Variants in KRT6A observed in about 807,000 individuals in gnomAD.
KRT6A encodes keratin, type II cytoskeletal 6A.
A neutral mutation model predicts 48.6 loss-of-function variants in KRT6A; 28 were observed. The observed-to-expected ratio is 0.58, with a 90% CI of 0.43 to 0.79. The LOEUF is 0.79. Among genes scored for constraint, KRT6A ranks in the 30% least tolerant of loss-of-function variants. The pLI, the probability that KRT6A is intolerant of heterozygous loss-of-function variation, is 0.00. For synonymous variants in KRT6A, 301 were observed against 294.2 expected (o/e 1.02, Z -0.24); for missense variants, 687 against 724.3 (o/e 0.95, Z 0.59).
rs752406296 is a variant in KRT6A at position 52,489,934 on chromosome 12, T to A, written c.1203+9A>T. On this transcript the variant is annotated intron_variant, in intron 6 of 8. Transcript: ENST00000330722. ...AAATGCTTCTCTCCTCCATTGTCCC[T>A]CACCATACCTGCTTCTTGACGTGGT... 6 of 1,614,008 alleles carry A rather than the reference T, an allele frequency of 3.7e-6. No individual in the cohort carries two copies. The highest frequency in any genetic ancestry group is 4.2e-6 in the Non-Finnish European group (5 of 1,180,022).
At chr12:52,490,360 G>T in intron 5 of KRT6A, 1 of 968,664 alleles carries the variant, frequency 1.0e-6, no homozygotes, top group Non-Finnish European at 1.6e-6. Context: ...CTATGTCCTT[G>T]TCTATGGTAG....
rs375973006 is a variant in KRT6A, at chr12:52,487,979, C to A, written c.1460-24G>T. Reference sequence around the variant, plus strand: ...AGCTGTGATGGGGAGGGGACAAGGACACAAGAAGCCATGGTGAGCTCATCC... The same window carrying A: ...AGCTGTGATGGGGAGGGGACAAGGAAACAAGAAGCCATGGTGAGCTCATCC... On this transcript the variant is annotated intron_variant, in intron 8 of 8. Coordinates refer to ENST00000330722, the MANE Select transcript of KRT6A (RefSeq NM_005554.4). 3.4e-5 allele frequency: 55 copies of A among 1,614,024 alleles called. No individual in the cohort carries two copies. The Middle Eastern group carries it at 4.9e-4, about 14-fold the overall frequency.
chr12:52,489,799 C>G, intron 6 of KRT6A, 144 bp downstream of exon 6: 1 of 1,334,910 alleles, frequency 7.5e-7, no homozygotes. Context: ...TCCTAAGCAG[C>G]AGGTACCCAC....
rs1050572140 is a variant in KRT6A at position 52,489,764 on chromosome 12, T to A, written c.1203+179A>T. 2.9e-6 allele frequency: 3 copies of A among 1,025,890 alleles called. No homozygotes were observed. The Admixed American group carries it at 6.1e-5, about 21-fold the overall frequency. 63.5% of individuals were successfully genotyped at this position (1,025,890 alleles called of 1,614,324 possible). ...TGACTGGTTCTCTCATGTGTTTGTG[T>A]CATGCCATAGGTAGGATCTATGTCT... is the stretch of plus-strand genomic sequence containing the variant. On this transcript the variant is annotated intron_variant, in intron 6 of 8. Coordinates refer to ENST00000330722, the MANE Select transcript of KRT6A (RefSeq NM_005554.4).
chr12:52,490,821 C>T, intron 4 of KRT6A, 37 bp downstream of exon 4: 1 of 1,614,064 alleles, frequency 6.2e-7, no homozygotes, highest in Admixed American at 1.7e-5. Context: ...TTTGCAGACC[C>T]CATCAGAGTA....
chr12:52,492,981 T>C lies in KRT6A; in HGVS notation c.208A>G (p.Ile70Val). Reference sequence around the variant, plus strand: ...GCACAGCTGCCCCCTCCAATGGAGATCCTCTTGGAGCCCCCCAGGCCATAC... The same window carrying C: ...GCACAGCTGCCCCCTCCAATGGAGACCCTCTTGGAGCCCCCCAGGCCATAC... ...SLYGLGGSKR[I>V]SIGGGSCAIS... The change falls in exon 1 of 9, where the codon ATC becomes GTC. Residue 70 changes from isoleucine to valine, a missense_variant. Physicochemically the swap from Ile to Val is conservative, Grantham distance 29 (BLOSUM62 3). Transcript: ENST00000330722. The C allele has an allele frequency of 1.9e-6, 3 of 1,610,430 alleles. No homozygotes were observed. The highest frequency in any genetic ancestry group is 2.2e-5 in the East Asian group (1 of 44,810).
Position 52,490,612 on chromosome 12 carries a change from G to A in KRT6A, c.1034C>T (p.Ala345Val), listed in dbSNP as rs1938242623. The A allele has an allele frequency of 3.7e-6, 6 of 1,614,200 alleles. No homozygotes were observed. The highest frequency in any genetic ancestry group is 5.1e-6 in the Non-Finnish European group (6 of 1,180,036). The change falls in exon 5 of 9, where the codon GCT becomes GTT. Residue 345 changes from alanine to valine, a missense_variant. This residue lies in a region of KRT6A where 566 missense variants were observed against 565.3 expected (regional missense o/e 1.00). Coordinates refer to ENST00000330722, the MANE Select transcript of KRT6A (RefSeq NM_005554.4). ...AEVKAQYEEIAQRSRAEAESW... is the reference protein window; with the variant it reads ...AEVKAQYEEIVQRSRAEAESW... ...CTCAGCCTCAGCCCGGCTTCTCTGA[G>A]CAATCTCCTCATATTGGGCCTTGAC...
chr12:52,488,594 G>A (rs781168798), intron 6 of KRT6A, 46 bp from the exon 7 acceptor site: 1 of 1,601,000 alleles, frequency 6.2e-7, no homozygotes, highest in East Asian at 2.3e-5. Flanking sequence ...CGGTCTTCCA[G>A]AGGAGACTAA....
chr12:52,487,531 G>A lies in KRT6A; in HGVS notation c.*189C>T, dbSNP rs573922620. On this transcript the variant is annotated 3_prime_UTR_variant, in exon 9 of 9. Coordinates refer to ENST00000330722, the MANE Select transcript of KRT6A (RefSeq NM_005554.4). Reference sequence around the variant, plus strand: ...ATGTAAAATCAGAGGTTGATCTGATGGTGAGCAATGGGTGCTCAGATGGTA... The same window carrying A: ...ATGTAAAATCAGAGGTTGATCTGATAGTGAGCAATGGGTGCTCAGATGGTA... 8.0e-5 allele frequency: 53 copies of A among 660,860 alleles called. No individual in the cohort carries two copies. The highest frequency in any genetic ancestry group is 1.3e-4 in the Non-Finnish European group (49 of 380,778). The allele number at this position is 660,860 out of a possible 1,614,324, so 40.9% of individuals were successfully genotyped here. A position where few individuals can be genotyped will look rare whatever the true frequency, so the allele number is the denominator to read the frequency against.
Position 52,487,622 on chromosome 12 carries a change from G to C in KRT6A, c.*98C>G. On this transcript the variant is annotated 3_prime_UTR_variant, in exon 9 of 9. Transcript: ENST00000330722. ...CCCAGCTCTACCTGGGACAGCAGGG[G>C]AGACTGGAGGCCAGGAGAGGAAAGG... 1.4e-6 allele frequency: 2 copies of C among 1,471,678 alleles called. No individual in the cohort carries two copies. Among genetic ancestry groups the C allele is most frequent in the Non-Finnish European group, 1.9e-6 (2 of 1,059,198 alleles). The allele number at this position is 1,471,678 out of a possible 1,614,324, so 91.2% of individuals were successfully genotyped here.
chr12:52,491,318 T>G, intron 2 of KRT6A, 146 bp from the exon 3 acceptor site: 1 of 1,502,524 alleles, frequency 6.7e-7, no homozygotes, highest in East Asian at 2.3e-5. Context: ...TTTTTGCTTC[T>G]GCTAAATTTG....
rs267607468 is a variant in KRT6A, at chr12:52,488,371, C to G, written c.1381G>C (p.Glu461Gln). 1.2e-6 allele frequency: 2 copies of G among 1,614,108 alleles called. No individual in the cohort carries two copies. Among genetic ancestry groups the G allele is most frequent in the East Asian group, 2.2e-5 (1 of 44,848 alleles). Residue 461 changes from glutamate (E) to glutamine (Q), a missense_variant, in exon 7 of 9, where the codon GAG becomes CAG. Transcript: ENST00000330722. The part of the protein sequence containing the change: ...LMNVKLALDV[E>Q]IATYRKLLEG... ...AGCAGCTTGCGGTAGGTGGCGATCT[C>G]CACGTCCAGGGCCAGCTTGACATTC... is the stretch of plus-strand genomic sequence containing the variant.
chr12:52,492,716 C>A lies in KRT6A; in HGVS notation c.473G>T (p.Arg158Leu). 6.2e-7 allele frequency: 1 copy of A among 1,614,044 alleles called. No homozygotes were observed. The highest frequency in any genetic ancestry group is 8.5e-7 in the Non-Finnish European group (1 of 1,179,972). Residue 158 changes from arginine (R) to leucine (L), a missense_variant, in exon 1 of 9, where the codon CGG becomes CTG. By Grantham distance (102) the Arg-to-Leu change is moderately radical. Coordinates refer to ENST00000330722, the MANE Select transcript of KRT6A (RefSeq NM_005554.4). ...CTGTTCACGCTCCTCAGCCCGCACCCGCTGGATGGTGGGATCGATTTGCAG... is the reference window on the plus strand; with the variant it reads ...CTGTTCACGCTCCTCAGCCCGCACCAGCTGGATGGTGGGATCGATTTGCAG... ...LNLQIDPTIQRVRAEEREQIK... is the reference protein window; with the variant it reads ...LNLQIDPTIQLVRAEEREQIK...
At chr12:52,491,788 T>G (rs1167672148) in intron 1 of KRT6A, 52 bp from the exon 2 acceptor site, 1 of 1,610,210 alleles carries the variant, frequency 6.2e-7, no homozygotes. Context: ...GAAGAAAAAG[T>G]GTCTGGTATC....
In KRT6A at chr12:52,488,065, T is replaced by A. The variant is rs375967909; in HGVS notation, c.1459+4A>T. On this transcript the variant is annotated splice_donor_region_variant and intron_variant, in intron 8 of 8. Coordinates refer to ENST00000330722, the MANE Select transcript of KRT6A (RefSeq NM_005554.4). ...AGGGGAGGAAGGCAAGCAAAGGTAC[T>A]TACAGATGTTGACTTGTCCAACGCC... is the stretch of plus-strand genomic sequence containing the variant. 2.2e-5 allele frequency: 36 copies of A among 1,614,046 alleles called. No homozygotes were observed. The African/African-American group carries it at 4.3e-4, about 19-fold the overall frequency.
In KRT6A at chr12:52,488,077, A is replaced by T. The variant is rs1213126139; in HGVS notation, c.1451T>A (p.Val484Asp). 6.2e-7 allele frequency: 1 copy of T among 1,613,914 alleles called. No homozygotes were observed. The highest frequency in any genetic ancestry group is 1.7e-5 in the Admixed American group (1 of 60,006). ...CRLNGEGVGQVNISVVQSTVS... is the reference protein window; with the variant it reads ...CRLNGEGVGQDNISVVQSTVS... ...CAAGCAAAGGTACTTACAGATGTTGACTTGTCCAACGCCTTCGCCATTCAG... is the reference window on the plus strand; with the variant it reads ...CAAGCAAAGGTACTTACAGATGTTGTCTTGTCCAACGCCTTCGCCATTCAG... Residue 484 changes from valine to aspartate, a missense_variant, in exon 8 of 9, where the codon GTC becomes GAC. Around this residue, in one of 3 missense-constraint regions of KRT6A, gnomAD observed 566 missense variants for 565.3 expected, o/e 1.00. Transcript: ENST00000330722.
chr12:52,489,874 A>G, intron 6 of KRT6A, 69 bp downstream of exon 6: 3 of 1,612,992 alleles, frequency 1.9e-6, no homozygotes, highest in African/African-American at 2.7e-5. Flanking sequence ...TTTCCCTAAT[A>G]TAATGGTTGA....
rs759327345 is a variant in KRT6A, at chr12:52,491,618, T to G, written c.659A>C (p.Asn220Thr). 29 of 1,614,050 alleles carry G rather than the reference T, an allele frequency of 1.8e-5. 1 individual carries two copies. The South Asian group carries it at 2.4e-4, about 13-fold the overall frequency. The change falls in exon 2 of 9, where the codon AAC (asparagine) becomes ACC (threonine). Residue 220 changes from asparagine to threonine, a missense_variant. Around this residue, in one of 3 missense-constraint regions of KRT6A, gnomAD observed 566 missense variants for 565.3 expected, o/e 1.00. Transcript: ENST00000330722. ...LEPLFEQYIN[N>T]LRRQLDSIVG... ...AATGCTGTCCAGCTGCCTCCTGAGG[T>G]TGTTGATGTACTGCTCGAACAACGG...
In KRT6A at chr12:52,491,730, A is replaced by C; in HGVS notation, c.547T>G (p.Phe183Val). Residue 183 changes from phenylalanine (F) to valine (V), a missense_variant, in exon 2 of 9, where the codon TTC becomes GTC. By Grantham distance (50) the Phe-to-Val change is conservative. Transcript: ENST00000330722. ...AGAACCTTGTTCTGCTGCTCCAGGA[A>C]CCGCACCTGAAAGAGAGACAAGATG... Reference protein sequence around the residue: ...KFASFIDKVRFLEQQNKVLET... With the variant: ...KFASFIDKVRVLEQQNKVLET... The C allele has an allele frequency of 1.2e-6, 2 of 1,614,162 alleles. No individual in the cohort carries two copies. The highest frequency in any genetic ancestry group is 1.7e-4 in the Middle Eastern group (1 of 6,060).
Sources: allele counts gnomAD v4.1 joint callset, GRCh38; gene constraint gnomAD v4.1.1; regional missense constraint gnomAD v4.1.1; transcripts MANE v1.5; gene names NCBI Gene and HGNC (gene_info 2026-07-23, HGNC 2026-07-21).